PCMTD1: variants seen among roughly 807,000 people sequenced by gnomAD.
PCMTD1 encodes the protein protein-L-isoaspartate (D-aspartate) O-methyltransferase domain containing 1, also known as protein-L-isoaspartate O-methyltransferase domain-containing protein 1.
PCMTD1 carries 12 observed loss-of-function variants against 37.6 expected under a neutral mutation model. The ratio of observed to expected loss-of-function variants is 0.32; its 90% CI spans 0.20 to 0.52. The LOEUF (loss-of-function observed/expected upper bound fraction) is 0.52, where lower values mean the gene tolerates loss of function less well. Ranked by LOEUF, PCMTD1 falls within the 20% of genes least tolerant of loss-of-function variation. The pLI is 0.97. For missense variants in PCMTD1, 235 were observed against 421.3 expected (o/e 0.56, Z 3.87); for synonymous variants, 117 against 135.8 (o/e 0.86, Z 0.96).
chr8:51,882,662 T>C (rs191436716), intron 1 of PCMTD1, among the ~76,000 whole-genome samples: 2 of 152,126 alleles, frequency 1.3e-5, no homozygotes, highest in Admixed American at 6.5e-5. Flanking sequence ...TTCTCAGTTA[T>C]TTAAGATCAT....
intron 2 of PCMTD1, among the ~76,000 whole-genome samples, chr8:51,859,567 T>G (rs563268809): frequency 6.6e-6 from 1 of 152,122 alleles, no homozygotes. Context: ...CCATGACTAA[T>G]AGAGTAAGGA....
At position 51,861,160 on chromosome 8, in the gene PCMTD1, T is replaced by A. The variant is rs1444064321; in HGVS notation, c.-9A>T. Reference sequence around the variant, plus strand: ...CTCACAGCTCCTCCCATGATAGTATTCAAATCAAATCATAAATTTAAAAGT... The same window carrying A: ...CTCACAGCTCCTCCCATGATAGTATACAAATCAAATCATAAATTTAAAAGT... On this transcript the variant is annotated 5_prime_UTR_variant, in exon 2 of 6. Coordinates refer to ENST00000522514, the MANE Select transcript of PCMTD1 (RefSeq NM_052937.4). 8 of 1,566,118 alleles carry A rather than the reference T, an allele frequency of 5.1e-6. No individual in the cohort carries two copies. The highest frequency in any genetic ancestry group is 6.9e-6 in the Non-Finnish European group (8 of 1,153,352).
At chr8:51,827,075 C>G (rs920644843) in intron 5 of PCMTD1, 1 of 984,732 alleles carries the variant, frequency 1.0e-6, no homozygotes, top group Non-Finnish European at 1.2e-6. Flanking sequence ...AATGTCCTCT[C>G]AACAGAAAGC....
chr8:51,843,580 T>C (rs537787773), intron 3 of PCMTD1, among the ~76,000 whole-genome samples: 1 of 145,848 alleles, frequency 6.9e-6, no homozygotes, highest in South Asian at 2.3e-4. Flanking sequence ...CCAGGGAAAT[T>C]TGAGTATTTT....
chr8:51,865,387 A>T (rs1045774862), intron 1 of PCMTD1, among the ~76,000 whole-genome samples: 7 of 152,150 alleles, frequency 4.6e-5, no homozygotes, highest in Non-Finnish European at 8.8e-5. Flanking sequence ...AGAAAAGAAC[A>T]GGCTAATATC....
intron 1 of PCMTD1, among the ~76,000 whole-genome samples, chr8:51,898,006 G>A (rs1585870054): frequency 6.6e-6 from 1 of 152,096 alleles, no homozygotes; most frequent in Non-Finnish European, 1.5e-5. Context: ...TAGTAAGAAG[G>A]AGAAATATGG....
chr8:51,876,284 G>A (rs1038952178), intron 1 of PCMTD1, among the ~76,000 whole-genome samples: 1 of 152,134 alleles, frequency 6.6e-6, no homozygotes, highest in African/African-American at 2.4e-5. Context: ...GGAAAACAAA[G>A]CATGGAAAGA....
chr8:51,840,622 G>A (rs1031997107), intron 3 of PCMTD1, among the ~76,000 whole-genome samples: 9 of 152,018 alleles, frequency 5.9e-5, no homozygotes, highest in Non-Finnish European at 1.3e-4. Context: ...TCATAAAGAT[G>A]AAGTGAATAA....
At chr8:51,831,340 G>T in intron 5 of PCMTD1, 104 bp downstream of exon 5, 2 of 1,132,316 alleles carry the variant, frequency 1.8e-6, no homozygotes, top group Non-Finnish European at 1.2e-6. Context: ...ATATCTTACT[G>T]CATAAGTATT....
chr8:51,829,683 T>C (rs1563336597), intron 5 of PCMTD1, among the ~76,000 whole-genome samples: 3 of 152,032 alleles, frequency 2.0e-5, no homozygotes, highest in South Asian at 2.1e-4. Context: ...GGCAGGAGAA[T>C]TGCTTGAGCC....
intron 1 of PCMTD1, among the ~76,000 whole-genome samples, chr8:51,873,028 G>C (rs2038660686): frequency 6.6e-6 from 1 of 152,048 alleles, no homozygotes; most frequent in Non-Finnish European, 1.5e-5. Context: ...AAAGTTTTTG[G>C]ACTTATAAAA....
At chr8:51,832,003 G>A (rs901135136) in intron 4 of PCMTD1, among the ~76,000 whole-genome samples, 2 of 151,984 alleles carry the variant, frequency 1.3e-5, no homozygotes, top group African/African-American at 4.8e-5. Context: ...ATTCTAATTC[G>A]ACCCCCAACT....
chr8:51,838,350 A>T (rs1315350599), intron 3 of PCMTD1, among the ~76,000 whole-genome samples: 1 of 151,698 alleles, frequency 6.6e-6, no homozygotes, highest in Non-Finnish European at 1.5e-5. Context: ...TCAGTTAGGC[A>T]CGGTAGCACG....
intron 1 of PCMTD1, among the ~76,000 whole-genome samples, chr8:51,875,996 G>A (rs1321538820): frequency 6.6e-6 from 1 of 152,144 alleles, no homozygotes; most frequent in Non-Finnish European, 1.5e-5. Context: ...GTGCACGCAT[G>A]CGTGTGTTAT....
intron 2 of PCMTD1, among the ~76,000 whole-genome samples, chr8:51,857,606 A>C (rs1370405753): frequency 6.6e-6 from 1 of 152,220 alleles, no homozygotes; most frequent in Non-Finnish European, 1.5e-5. Context: ...GAATGAAACG[A>C]CAGTACTGAG....
In PCMTD1 at chr8:51,820,208, G is replaced by T; in HGVS notation, c.*143C>A. On this transcript the variant is annotated 3_prime_UTR_variant, in exon 6 of 6. Transcript: ENST00000522514. ...CTTTTATTCACTGAATACATCATTT[G>T]TGTTACTGACAGAAACAAGTGATTT... The T allele has an allele frequency of 3.3e-6, 2 of 614,794 alleles. No individual in the cohort carries two copies. The highest frequency in any genetic ancestry group is 3.2e-5 in the South Asian group (1 of 31,002). 38.1% of individuals were successfully genotyped at this position (614,794 alleles called of 1,614,324 possible).
intron 1 of PCMTD1, among the ~76,000 whole-genome samples, chr8:51,878,116 GAC>G (rs2038738618): frequency 6.6e-6 from 1 of 152,180 alleles, no homozygotes; most frequent in South Asian, 2.1e-4. Flanking sequence ...AAGCCATTGT[GAC>G]TCTAAGCAAA....
intron 4 of PCMTD1, among the ~76,000 whole-genome samples, chr8:51,831,916 T>G (rs551460887): frequency 2.2e-4 from 34 of 152,306 alleles, no homozygotes; most frequent in Middle Eastern, 6.8e-3. Context: ...GTAATTTGGT[T>G]AAGGCATTAT....
At chr8:51,834,969 G>A (rs193204025) in intron 3 of PCMTD1, among the ~76,000 whole-genome samples, 1 of 152,206 alleles carries the variant, frequency 6.6e-6, no homozygotes, top group African/African-American at 2.4e-5. Flanking sequence ...TCACCTCACT[G>A]ATCACATTTT....
Sources: gnomAD v4.1 joint callset for allele counts (sites outside exome capture counted in the v4.1 genomes callset) on GRCh38, gnomAD v4.1.1 for gene constraint, MANE v1.5 for transcripts, NCBI Gene and HGNC (gene_info 2026-07-23, HGNC 2026-07-21) for gene names.